Variants in MED13L observed in about 807,000 individuals in gnomAD.
The protein encoded by MED13L is mediator complex subunit 13L.
MED13L carries 7 observed loss-of-function variants against 220.9 expected under a neutral mutation model. The observed-to-expected ratio is 0.03, with a 90% confidence interval of 0.02 to 0.06. The LOEUF is 0.06. Ranked by LOEUF, MED13L falls within the 10% of genes least tolerant of loss-of-function variation. The pLI, the probability that MED13L is intolerant of heterozygous loss-of-function variation, is 1.00. For missense variants in MED13L, 1,965 were observed against 2,760.5 expected, an observed-to-expected ratio of 0.71 and a Z score of 6.46; for synonymous variants, 1,011 against 1,015.2, an observed-to-expected ratio of 1.00 and a Z score of 0.08.
In MED13L at chr12:116,159,757, A is replaced by C. The variant is rs575819761; in HGVS notation, c.311-48245T>G. Among the ~76,000 whole-genome samples the C allele has an allele frequency of 5.0e-4, 75 of 150,934 alleles. No individual in the cohort carries two copies. The South Asian group carries it at 6.8e-3, about 14-fold the overall frequency. ...TTGTGAATAAAGTTATTTACAGATC[A>C]TATCAGCCACATCTACATATTTAAT... On this transcript the variant is annotated intron_variant, in intron 2 of 30. Transcript: ENST00000281928.
Position 116,019,278 on chromosome 12 carries a change from T to C in MED13L, c.955A>G (p.Ser319Gly). The change falls in exon 7 of 31, where the codon AGT (serine) becomes GGT (glycine). Residue 319 changes from serine to glycine, a missense_variant. Physicochemically the swap from Ser to Gly is moderately conservative, Grantham distance 56 (BLOSUM62 0). Transcript: ENST00000281928. The part of the protein sequence containing the change: ...QQGLGSVKDP[S>G]NCGMPLTPPT... ...GGGGTCAGAGGCATCCCACAGTTAC[T>C]TGGGTCCTTCACACTACCAAGCCCT... 2.5e-6 allele frequency: 4 copies of C among 1,614,010 alleles called. No individual in the cohort carries two copies. Among genetic ancestry groups the C allele is most frequent in the Non-Finnish European group, 3.4e-6 (4 of 1,179,944 alleles).
chr12:116,235,012 A>C (rs539669725), intron 2 of MED13L, among the ~76,000 whole-genome samples: 27 of 152,310 alleles, frequency 1.8e-4, no homozygotes, highest in African/African-American at 6.5e-4. Context: ...TTAGAGAATG[A>C]AATAGATTCT....
At chr12:116,124,123 CGAGAGAGAGAGAGA>C (rs58366115) in intron 2 of MED13L, among the ~76,000 whole-genome samples, 7 of 133,516 alleles carry the variant, frequency 5.2e-5, no homozygotes, top group African/African-American at 1.3e-4. Context: ...GAGAGAAAGA[CGAGAGAGAGAGAGA>C]GAGAGAGAGA....
chr12:116,069,519 G>A (rs1391246605), intron 4 of MED13L, among the ~76,000 whole-genome samples: 1 of 152,200 alleles, frequency 6.6e-6, no homozygotes, highest in East Asian at 1.9e-4. Flanking sequence ...GGTTGAAACT[G>A]AGTATTCTTT....
At chr12:115,973,192 G>C (rs943647651) in intron 25 of MED13L, among the ~76,000 whole-genome samples, 5 of 152,168 alleles carry the variant, frequency 3.3e-5, no homozygotes, top group Admixed American at 2.6e-4. Context: ...TCACAGATGT[G>C]AGCTTCATAT....
At chr12:116,102,706 T>TC (rs1185142642) in intron 3 of MED13L, among the ~76,000 whole-genome samples, 1 of 92,968 alleles carries the variant, frequency 1.1e-5, no homozygotes, top group African/African-American at 3.9e-5. Context: ...TCTTTTTCTT[T>TC]TTTCTTTTTT....
chr12:115,989,719 A>G (rs1056521869), intron 17 of MED13L, among the ~76,000 whole-genome samples: 10 of 152,190 alleles, frequency 6.6e-5, no homozygotes. Context: ...TATACAAGTA[A>G]CAAATCTGGG....
At chr12:116,073,463 G>C (rs1200172329) in intron 4 of MED13L, among the ~76,000 whole-genome samples, 1 of 152,102 alleles carries the variant, frequency 6.6e-6, no homozygotes, top group Middle Eastern at 3.2e-3. Flanking sequence ...TCATTCAATC[G>C]TTCAGTGCAT....
intron 4 of MED13L, among the ~76,000 whole-genome samples, chr12:116,063,718 A>C (rs1013754677): frequency 2.0e-5 from 3 of 152,248 alleles, no homozygotes; most frequent in African/African-American, 7.2e-5. Flanking sequence ...ACTGTTTATC[A>C]AAATACACAC....
intron 3 of MED13L, among the ~76,000 whole-genome samples, chr12:116,099,480 T>C (rs1322711682): frequency 1.3e-5 from 2 of 152,186 alleles, no homozygotes; most frequent in African/African-American, 4.8e-5. Flanking sequence ...TAAATACTGT[T>C]TTAAAAAATA....
At chr12:116,131,960 G>T (rs1044740526) in intron 2 of MED13L, among the ~76,000 whole-genome samples, 2 of 152,026 alleles carry the variant, frequency 1.3e-5, no homozygotes, top group Admixed American at 6.6e-5. Flanking sequence ...TCCAACCTGG[G>T]TGGCAGAGCG....
intron 4 of MED13L, among the ~76,000 whole-genome samples, chr12:116,095,826 C>T (rs1872591642): frequency 6.6e-6 from 1 of 151,998 alleles, no homozygotes; most frequent in Non-Finnish European, 1.5e-5. Flanking sequence ...TTTTGTTTTC[C>T]GATTCTGGTG....
intron 2 of MED13L, among the ~76,000 whole-genome samples, chr12:116,214,336 T>C (rs534709264): frequency 6.6e-6 from 1 of 152,340 alleles, no homozygotes; most frequent in South Asian, 2.1e-4. Flanking sequence ...CTGACTTATC[T>C]TGTTATGCAG....
chr12:115,960,135 T>A lies in MED13L; in HGVS notation c.*1131A>T, dbSNP rs1006911193. The stretch of plus-strand genomic sequence containing the variant: ...GGCTCAACTTCAAGTACTAATTTAA[T>A]GGTTAAGTTGTAATATTTCTTTGAA... On this transcript the variant is annotated 3_prime_UTR_variant, in exon 31 of 31. Coordinates refer to ENST00000281928, the MANE Select transcript of MED13L (RefSeq NM_015335.5). 1 of 152,646 alleles carries A rather than the reference T, an allele frequency of 6.6e-6. No individual in the cohort carries two copies. The highest frequency in any genetic ancestry group is 1.5e-5 in the Non-Finnish European group (1 of 68,036). 9.5% of individuals were successfully genotyped at this position (152,646 alleles called of 1,614,324 possible).
rs558434774 is a variant in MED13L at position 116,151,107 on chromosome 12, A to G, written c.311-39595T>C. Among the ~76,000 whole-genome samples, 84 of 152,258 alleles carry G rather than the reference A, an allele frequency of 5.5e-4. 1 individual carries two copies. Among genetic ancestry groups the G allele is most frequent in the African/African-American group, 1.8e-3 (75 of 41,550 alleles). Reference sequence around the variant, plus strand: ...GAGGACCAGAAGATTAAGAGGGGGGAAATGAGAAAACTACAGAGAATAAAC... The same window carrying G: ...GAGGACCAGAAGATTAAGAGGGGGGGAATGAGAAAACTACAGAGAATAAAC... On this transcript the variant is annotated intron_variant, in intron 2 of 30. Coordinates refer to ENST00000281928, the MANE Select transcript of MED13L (RefSeq NM_015335.5).
chr12:116,271,040 CAAAAAAAAAA>C (rs58162276), intron 1 of MED13L, among the ~76,000 whole-genome samples: 4 of 30,096 alleles, frequency 1.3e-4, no homozygotes, highest in East Asian at 1.1e-3. Flanking sequence ...GACTCCGTCT[CAAAAAAAAAA>C]AAAAAAAAAA....
chr12:116,241,060 G>C (rs1870590237), intron 1 of MED13L, among the ~76,000 whole-genome samples: 2 of 151,816 alleles, frequency 1.3e-5, no homozygotes, highest in South Asian at 4.2e-4. Context: ...TGTAATCCCA[G>C]CATTTTGGGA....
chr12:116,033,188 C>T (rs1304945276), intron 4 of MED13L, among the ~76,000 whole-genome samples: 1 of 151,942 alleles, frequency 6.6e-6, no homozygotes, highest in East Asian at 1.9e-4. Flanking sequence ...CACTTGCCAC[C>T]TTTTTTATTT....
At chr12:116,019,474 A>G in intron 6 of MED13L, 62 bp from the exon 7 acceptor site, 1 of 1,558,398 alleles carries the variant, frequency 6.4e-7, no homozygotes, top group African/African-American at 1.4e-5. Context: ...AAGACTTCCA[A>G]TTTTATGATT....
Sources: gnomAD v4.1 joint callset for allele counts (sites outside exome capture counted in the v4.1 genomes callset) on GRCh38, gnomAD v4.1.1 for gene constraint, MANE v1.5 for transcripts, NCBI Gene and HGNC (gene_info 2026-07-23, HGNC 2026-07-21) for gene names.